HYCC2: variants seen among roughly 807,000 people sequenced by gnomAD.
HYCC2 encodes hyccin PI4KA lipid kinase complex subunit 2, also known as hyccin 2.
At chr2:200,973,812 T>A in the HYCC2 span, 3 of 152,126 alleles carry the variant, frequency 2.0e-5, no homozygotes, top group African/African-American at 7.2e-5. Flanking sequence ...AAATTACACA[T>A]CTCTCAAACA....
chr2:200,981,026 A>C, the HYCC2 span: 5 of 536,236 alleles, frequency 9.3e-6, no homozygotes, highest in Non-Finnish European at 1.7e-5. The surrounding 1 kb of genome is among the most constrained non-coding windows in gnomAD (Gnocchi z 4.5). Context: ...GGCATGGAAA[A>C]GGCAACCATT....
chr2:201,033,151 G>A, the HYCC2 span, among the ~76,000 whole-genome samples: 2 of 129,314 alleles, frequency 1.5e-5, no homozygotes, highest in Admixed American at 8.0e-5. Flanking sequence ...CTATTTGTAT[G>A]TGTGTGTATG....
At chr2:201,054,053 C>G in the HYCC2 span, among the ~76,000 whole-genome samples, 1 of 152,180 alleles carries the variant, frequency 6.6e-6, no homozygotes, top group Non-Finnish European at 1.5e-5. Flanking sequence ...ATAAAAGACT[C>G]TGAAAAGCTC....
At chr2:200,982,659 T>C in the HYCC2 span, among the ~76,000 whole-genome samples, 2 of 152,190 alleles carry the variant, frequency 1.3e-5, no homozygotes, top group Non-Finnish European at 2.9e-5. Flanking sequence ...ATTTCTATAT[T>C]TTAGATTCTT....
chr2:200,982,621 G>A, the HYCC2 span, among the ~76,000 whole-genome samples: 1 of 152,052 alleles, frequency 6.6e-6, no homozygotes, highest in Admixed American at 6.6e-5. Flanking sequence ...TTTCTATATG[G>A]TATGTTTTGA....
chr2:201,034,627 G>T, the HYCC2 span, among the ~76,000 whole-genome samples: 1 of 152,170 alleles, frequency 6.6e-6, no homozygotes, highest in Non-Finnish European at 1.5e-5. Flanking sequence ...ATATTGTTAT[G>T]TGTGAATTTG....
At chr2:201,004,939 C>T in the HYCC2 span, among the ~76,000 whole-genome samples, 4 of 151,326 alleles carry the variant, frequency 2.6e-5, no homozygotes. Context: ...ATGGTGTGAA[C>T]CCAGGAGGCG....
the HYCC2 span, among the ~76,000 whole-genome samples, chr2:201,002,937 C>T: frequency 1.3e-5 from 2 of 152,090 alleles, no homozygotes; most frequent in African/African-American, 4.8e-5. Context: ...TTGTTTATAG[C>T]AGCAAAAAAC....
the HYCC2 span, among the ~76,000 whole-genome samples, chr2:201,003,090 T>TG: frequency 6.6e-6 from 1 of 151,980 alleles, no homozygotes; most frequent in Admixed American, 6.6e-5. Flanking sequence ...TTTAAGAGAT[T>TG]GGGTCTCGCT....
At chr2:201,055,843 T>C in the HYCC2 span, among the ~76,000 whole-genome samples, 1 of 151,898 alleles carries the variant, frequency 6.6e-6, no homozygotes, top group African/African-American at 2.4e-5. Flanking sequence ...GGAGGATCAT[T>C]TGAGGCCAGT....
chr2:201,050,213 C>CAAAA, the HYCC2 span, among the ~76,000 whole-genome samples: 1 of 123,130 alleles, frequency 8.1e-6, no homozygotes, highest in Non-Finnish European at 1.7e-5. Context: ...CACCCTGTCT[C>CAAAA]AAAAAAAAAA....
chr2:201,057,736 A>C, the HYCC2 span, among the ~76,000 whole-genome samples: 1 of 152,152 alleles, frequency 6.6e-6, no homozygotes, highest in Non-Finnish European at 1.5e-5. Flanking sequence ...GAAAAAAAAA[A>C]ACTTAGGCCT....
At chr2:201,071,352 GC>G in the HYCC2 span, 1 of 152,596 alleles carries the variant, frequency 6.6e-6, no homozygotes, top group Non-Finnish European at 1.5e-5. Flanking sequence ...CGCCACCGCA[GC>G]CCCCACGCCC....
the HYCC2 span, among the ~76,000 whole-genome samples, chr2:201,059,092 T>G: frequency 6.6e-6 from 1 of 152,200 alleles, no homozygotes; most frequent in Non-Finnish European, 1.5e-5. Flanking sequence ...TGACTGCTAC[T>G]ATGTTATCTC....
At chr2:200,981,548 T>G in the HYCC2 span, 1 of 1,614,218 alleles carries the variant, frequency 6.2e-7, no homozygotes, top group Non-Finnish European at 8.5e-7. The surrounding 1 kb of genome is among the most constrained non-coding windows in gnomAD (Gnocchi z 4.5). Flanking sequence ...CTATTGATTT[T>G]TGGCACCACC....
chr2:200,989,222 A>G, the HYCC2 span, among the ~76,000 whole-genome samples: 4,779 of 152,278 alleles, frequency 0.031, 226 homozygotes, highest in African/African-American at 0.11. Flanking sequence ...ATAAAAGAAT[A>G]CTGTTAGTAA....
At chr2:201,010,975 T>C in the HYCC2 span, among the ~76,000 whole-genome samples, 4 of 151,688 alleles carry the variant, frequency 2.6e-5, no homozygotes, top group Non-Finnish European at 2.9e-5. Flanking sequence ...TGAAACCCCA[T>C]CTCTACTAAA....
chr2:201,049,577 T>A, the HYCC2 span, among the ~76,000 whole-genome samples: 1 of 151,578 alleles, frequency 6.6e-6, no homozygotes, highest in Admixed American at 6.6e-5. Flanking sequence ...GTGGTCTCGA[T>A]CCTCTGACCT....
At chr2:201,033,214 A>AT in the HYCC2 span, among the ~76,000 whole-genome samples, 9 of 149,256 alleles carry the variant, frequency 6.0e-5, no homozygotes, top group Non-Finnish European at 1.3e-4. Flanking sequence ...AGAGAGAGAG[A>AT]GAGATGAGAT....
Sources: gnomAD v4.1 joint callset for allele counts (sites outside exome capture counted in the v4.1 genomes callset) on GRCh38, gnomAD v4.1.1 for gene constraint, Gnocchi (gnomAD v3.1) non-coding constraint, MANE v1.5 for transcripts, NCBI Gene and HGNC (gene_info 2026-07-23, HGNC 2026-07-21) for gene names.